The following HSD17B12 variants were observed in gnomAD, a reference collection of about 807,000 sequenced individuals.
HSD17B12 encodes the protein hydroxysteroid 17-beta dehydrogenase 12.
HSD17B12 carries 32 observed loss-of-function variants against 39.3 expected under a neutral mutation model. That is an observed-to-expected ratio of 0.81 (90% CI 0.61 to 1.09). The LOEUF (loss-of-function observed/expected upper bound fraction) is 1.09, where lower values mean the gene tolerates loss of function less well. Ranked by LOEUF, HSD17B12 falls within the 50% of genes least tolerant of loss-of-function variation. The pLI is 0.00. For synonymous variants in HSD17B12, 150 were observed against 146.7 expected (o/e 1.02, Z -0.16); for missense variants, 342 against 382.9 (o/e 0.89, Z 0.89).
chr11:43,676,212 T>TGTGTGC (rs1949693279), upstream of HSD17B12, among the ~76,000 whole-genome samples: 1 of 150,468 alleles, frequency 6.6e-6, no homozygotes, highest in Non-Finnish European at 1.5e-5. Context: ...GAAGAGGGTG[T>TGTGTGC]GTGTGTGTGT....
At chr11:43,800,299 T>A (rs1395235521) in intron 4 of HSD17B12, among the ~76,000 whole-genome samples, 1 of 152,206 alleles carries the variant, frequency 6.6e-6, no homozygotes, top group East Asian at 1.9e-4. Flanking sequence ...GAATCCCTAA[T>A]GAAAAAAGAC....
chr11:43,854,511 T>C (rs960699973), intron 9 of HSD17B12: 3 of 531,982 alleles, frequency 5.6e-6, no homozygotes, highest in Non-Finnish European at 1.0e-5. Flanking sequence ...CTCTGTTTTA[T>C]TGAGAGATTG....
At chr11:43,807,324 G>A (rs1473369515) in intron 4 of HSD17B12, among the ~76,000 whole-genome samples, 3 of 152,194 alleles carry the variant, frequency 2.0e-5, no homozygotes, top group Non-Finnish European at 4.4e-5. Flanking sequence ...GTGGAAACCT[G>A]AAGGCTGAAT....
At chr11:43,821,267 T>A (rs1951180322) in intron 6 of HSD17B12, among the ~76,000 whole-genome samples, 1 of 152,340 alleles carries the variant, frequency 6.6e-6, no homozygotes, top group East Asian at 1.9e-4. Context: ...AAAGCCTTGT[T>A]GCCTGCTTTT....
chr11:43,573,774 A>T, the HSD17B12 span, among the ~76,000 whole-genome samples: 2 of 152,244 alleles, frequency 1.3e-5, no homozygotes, highest in Admixed American at 6.5e-5. Flanking sequence ...GCCCACACAC[A>T]TGAATTTATG....
chr11:43,681,028 C>A (rs1002774357), intron 1 of HSD17B12, 41 bp downstream of exon 1: 17 of 1,539,736 alleles, frequency 1.1e-5, no homozygotes, highest in Non-Finnish European at 1.4e-5. Context: ...CCCGCGGCGG[C>A]CCGGACCAGG....
the HSD17B12 span, among the ~76,000 whole-genome samples, chr11:43,561,106 T>C: frequency 6.6e-6 from 1 of 152,162 alleles, no homozygotes; most frequent in Non-Finnish European, 1.5e-5. Context: ...AGATGAAGCA[T>C]GGGTTCCAAT....
At chr11:43,671,878 C>T in the HSD17B12 span, among the ~76,000 whole-genome samples, 663 of 152,176 alleles carry the variant, frequency 4.4e-3, 2 homozygotes, top group Non-Finnish European at 7.1e-3. Context: ...ATTCCGTGTG[C>T]TTTTGAAACT....
intron 8 of HSD17B12, among the ~76,000 whole-genome samples, chr11:43,838,681 A>T (rs1219432831): frequency 6.6e-6 from 1 of 152,130 alleles, no homozygotes; most frequent in African/African-American, 2.4e-5. Context: ...TTTGAAAGTG[A>T]TACTTGTGCC....
At chr11:43,588,583 A>G in the HSD17B12 span, among the ~76,000 whole-genome samples, 24 of 151,124 alleles carry the variant, frequency 1.6e-4, no homozygotes, top group East Asian at 4.5e-3. Flanking sequence ...TCAGTGTTCA[A>G]AAAATGTTAG....
the HSD17B12 span, chr11:43,645,685 A>G: frequency 3.3e-5 from 5 of 152,278 alleles, no homozygotes; most frequent in South Asian, 2.1e-4. Flanking sequence ...TTTGCTTAGA[A>G]TATAGTAATG....
At chr11:43,727,590 G>T (rs1950232630) in intron 1 of HSD17B12, among the ~76,000 whole-genome samples, 1 of 151,888 alleles carries the variant, frequency 6.6e-6, no homozygotes, top group Non-Finnish European at 1.5e-5. Flanking sequence ...GAGTAGCTGG[G>T]ATTACAGGCA....
chr11:43,709,985 A>G (rs1950050060), intron 1 of HSD17B12, among the ~76,000 whole-genome samples: 1 of 152,170 alleles, frequency 6.6e-6, no homozygotes. Flanking sequence ...AGGGGATGCT[A>G]GACTGCCTGT....
At chr11:43,651,994 A>G in the HSD17B12 span, among the ~76,000 whole-genome samples, 2 of 152,212 alleles carry the variant, frequency 1.3e-5, no homozygotes, top group Admixed American at 1.3e-4. Context: ...TAAAGAATAC[A>G]TAAGTTGTGA....
At chr11:43,619,231 A>ATATATATATATAAATATATATATATATTT in the HSD17B12 span, among the ~76,000 whole-genome samples, 2 of 22,382 alleles carry the variant, frequency 8.9e-5, no homozygotes, top group African/African-American at 2.6e-4. Context: ...TATATATGAT[A>ATATATATATATAAATATATATATATATTT]TATATATATA....
At chr11:43,840,798 AC>A in intron 9 of HSD17B12, among the ~76,000 whole-genome samples, 1 of 152,274 alleles carries the variant, frequency 6.6e-6, no homozygotes, top group Admixed American at 6.5e-5. Flanking sequence ...GGTTGTTTCT[AC>A]CTGTTGGGTA....
chr11:43,803,318 G>T (rs771818648), intron 4 of HSD17B12, among the ~76,000 whole-genome samples: 8 of 152,100 alleles, frequency 5.3e-5, no homozygotes, highest in Admixed American at 5.2e-4. Flanking sequence ...TCCCCATCCA[G>T]ATCCCACATA....
At chr11:43,701,356 AT>A (rs1474655057) in intron 1 of HSD17B12, among the ~76,000 whole-genome samples, 1 of 151,894 alleles carries the variant, frequency 6.6e-6, no homozygotes. Context: ...CCATTTGTCC[AT>A]TTTTGCTTTA....
At chr11:43,606,693 C>T in the HSD17B12 span, among the ~76,000 whole-genome samples, 5 of 152,196 alleles carry the variant, frequency 3.3e-5, no homozygotes, top group Admixed American at 1.3e-4. Flanking sequence ...AGCAGGAGTC[C>T]CTGGAGAAGT....
Sources: gnomAD v4.1 joint callset for allele counts (sites outside exome capture counted in the v4.1 genomes callset) on GRCh38, gnomAD v4.1.1 for gene constraint, MANE v1.5 for transcripts, NCBI Gene and HGNC (gene_info 2026-07-23, HGNC 2026-07-21) for gene names.